MACROD2: variants seen among roughly 807,000 people sequenced by gnomAD.
The protein encoded by MACROD2 is ADP-ribose glycohydrolase MACROD2.
A neutral mutation model predicts 70.4 loss-of-function variants in MACROD2; 36 were observed. That is an observed-to-expected ratio of 0.51 (90% CI 0.39 to 0.68). The LOEUF (loss-of-function observed/expected upper bound fraction) is 0.68, where lower values mean the gene tolerates loss of function less well. Ranked by LOEUF, MACROD2 falls within the 30% of genes least tolerant of loss-of-function variation. The pLI is 0.00. For synonymous variants in MACROD2, 172 were observed against 178.8 expected (o/e 0.96, Z 0.30); for missense variants, 496 against 538.4 (o/e 0.92, Z 0.78).
At chr20:15,741,299 C>A (rs1278115160) in intron 8 of MACROD2, among the ~76,000 whole-genome samples, 1 of 150,932 alleles carries the variant, frequency 6.6e-6, no homozygotes, top group African/African-American at 2.4e-5. Context: ...CGGGGTTTCA[C>A]CATGTTGACC....
chr20:15,659,230 T>C (rs377187), intron 8 of MACROD2, among the ~76,000 whole-genome samples: 57,061 of 151,392 alleles, frequency 0.38, 12,300 homozygotes, highest in Non-Finnish European at 0.48. Context: ...TTTCCATTTA[T>C]TTTTAAGATC....
intron 3 of MACROD2, among the ~76,000 whole-genome samples, chr20:14,154,557 T>TTTC (rs2055069879): frequency 5.1e-3 from 1 of 196 alleles, no homozygotes; most frequent in Non-Finnish European, 0.014. Flanking sequence ...GGCTAATTTT[T>TTTC]TTTTTTTTTT....
At chr20:14,546,283 G>A (rs1771841187) in intron 4 of MACROD2, among the ~76,000 whole-genome samples, 1 of 152,112 alleles carries the variant, frequency 6.6e-6, no homozygotes, top group African/African-American at 2.4e-5. Context: ...GCTAGCTGTT[G>A]CAGTAGCTAT....
At chr20:14,931,411 T>C (rs1289816110) in intron 5 of MACROD2, among the ~76,000 whole-genome samples, 1 of 152,134 alleles carries the variant, frequency 6.6e-6, no homozygotes, top group African/African-American at 2.4e-5. Flanking sequence ...ATAGTCTGCA[T>C]TCCAAATGAT....
chr20:15,641,556 C>T (rs1358648755), intron 8 of MACROD2, among the ~76,000 whole-genome samples: 2 of 152,148 alleles, frequency 1.3e-5, no homozygotes, highest in Non-Finnish European at 2.9e-5. Flanking sequence ...TATAATGCAA[C>T]AGAGCTCCAT....
At chr20:14,337,489 C>G (rs1246367446) in intron 3 of MACROD2, 1 of 398,184 alleles carries the variant, frequency 2.5e-6, no homozygotes, top group Non-Finnish European at 4.4e-6. Flanking sequence ...TAGCCCTCCC[C>G]CGTCTCCCAA....
intron 6 of MACROD2, among the ~76,000 whole-genome samples, chr20:15,294,928 A>G (rs2077572688): frequency 6.6e-6 from 1 of 152,226 alleles, no homozygotes; most frequent in Admixed American, 6.5e-5. Context: ...GTTTCTAGAC[A>G]TCGGATTGCT....
At chr20:15,821,539 A>T (rs1377165498) in intron 8 of MACROD2, among the ~76,000 whole-genome samples, 1 of 152,176 alleles carries the variant, frequency 6.6e-6, no homozygotes, top group Non-Finnish European at 1.5e-5. Flanking sequence ...TATTGAAATA[A>T]ATTGTATATA....
chr20:15,532,556 T>A (rs1032135662), intron 8 of MACROD2, among the ~76,000 whole-genome samples: 4 of 151,842 alleles, frequency 2.6e-5, no homozygotes, highest in Non-Finnish European at 4.4e-5. Context: ...CCATATTTTT[T>A]ATTTTATTTT....
intron 7 of MACROD2, among the ~76,000 whole-genome samples, chr20:15,449,179 CT>C (rs2046607890): frequency 6.6e-6 from 1 of 152,118 alleles, no homozygotes; most frequent in Non-Finnish European, 1.5e-5. Context: ...ATGGAACATA[CT>C]GAATAAATAC....
chr20:15,499,191 C>G (rs1248307096), intron 7 of MACROD2, among the ~76,000 whole-genome samples: 1 of 152,204 alleles, frequency 6.6e-6, no homozygotes, highest in Non-Finnish European at 1.5e-5. Flanking sequence ...TGCTGCCCTT[C>G]TAAAACCAAA....
chr20:15,586,848 T>C (rs1474438970), intron 8 of MACROD2, among the ~76,000 whole-genome samples: 1 of 152,140 alleles, frequency 6.6e-6, no homozygotes, highest in African/African-American at 2.4e-5. Flanking sequence ...TTCAAAAATA[T>C]ATAATATACC....
chr20:14,977,915 A>G (rs968209774), intron 5 of MACROD2, among the ~76,000 whole-genome samples: 2 of 152,120 alleles, frequency 1.3e-5, no homozygotes, highest in Admixed American at 6.5e-5. Flanking sequence ...ATGTAATGAT[A>G]TTTTAGAAAA....
chr20:15,499,911 A>C, intron 8 of MACROD2, 64 bp downstream of exon 8: 6 of 1,465,186 alleles, frequency 4.1e-6, no homozygotes, highest in South Asian at 3.4e-5. Flanking sequence ...AGTTCCCCCC[A>C]AAAAAGCACA....
At chr20:14,080,090 C>T (rs1225163075) in intron 2 of MACROD2, among the ~76,000 whole-genome samples, 5 of 152,010 alleles carry the variant, frequency 3.3e-5, no homozygotes, top group Non-Finnish European at 7.4e-5. Flanking sequence ...ATCTATAGTT[C>T]TTATAGGAAA....
chr20:14,622,866 T>A (rs1212664561), intron 4 of MACROD2: 1 of 152,192 alleles, frequency 6.6e-6, no homozygotes, highest in Non-Finnish European at 1.5e-5. Context: ...GCATATTTTC[T>A]ATGGTAGATG....
chr20:15,407,073 G>A (rs539173190), intron 6 of MACROD2, among the ~76,000 whole-genome samples: 25 of 152,300 alleles, frequency 1.6e-4, no homozygotes, highest in South Asian at 1.5e-3. Flanking sequence ...CCTAGCTCCT[G>A]CACTCCCCTG....
chr20:14,022,906 T>C lies in MACROD2; in HGVS notation c.163+20502T>C, dbSNP rs191518840. ...GTGCTGCAATAAACCTATGTGTGCA[T>C]GTGTCTTTATAGTAGAATGACTTAT... On this transcript the variant is annotated intron_variant, in intron 2 of 17. Transcript: ENST00000684519. Among the ~76,000 whole-genome samples the C allele has an allele frequency of 3.2e-4, 48 of 152,358 alleles. No individual in the cohort carries two copies. In the East Asian group the frequency reaches 5.0e-3, roughly 16 times the overall value.
intron 5 of MACROD2, among the ~76,000 whole-genome samples, chr20:14,713,147 G>T (rs1166608307): frequency 2.6e-5 from 4 of 152,126 alleles, no homozygotes; most frequent in African/African-American, 9.7e-5. Flanking sequence ...ATGCGTGCAT[G>T]GGTACATGTG....
Sources: allele counts gnomAD v4.1 joint callset (sites outside exome capture counted in the v4.1 genomes callset), GRCh38; gene constraint gnomAD v4.1.1; transcripts MANE v1.5; gene names NCBI Gene and HGNC (gene_info 2026-07-23, HGNC 2026-07-21).